Variants in HARS1 observed in about 807,000 individuals in gnomAD.
HARS1 encodes histidine--tRNA ligase, cytoplasmic.
A neutral mutation model predicts 63.6 loss-of-function variants in HARS1; 45 were observed. The observed-to-expected ratio is 0.71, with a 90% confidence interval of 0.56 to 0.91. The LOEUF (loss-of-function observed/expected upper bound fraction) is 0.91, where lower values mean the gene tolerates loss of function less well. Among genes scored for constraint, HARS1 ranks in the 40% least tolerant of loss-of-function variants. HARS1 has a pLI of 0.00. For missense variants in HARS1, 508 were observed against 643.2 expected (o/e 0.79, Z 2.27); for synonymous variants, 205 against 247.1 (o/e 0.83, Z 1.60).
At chr5:140,684,787 A>G (rs1183489559) in intron 2 of HARS1, 1 of 152,256 alleles carries the variant, frequency 6.6e-6, no homozygotes, top group Non-Finnish European at 1.5e-5. Context: ...ATATTTATTC[A>G]TTTAACAAAT....
chr5:140,691,020 C>T, intron 1 of HARS1, 76 bp from the exon 2 acceptor site: 1 of 997,016 alleles, frequency 1.0e-6, no homozygotes, highest in South Asian at 1.3e-5. Flanking sequence ...CAATATTCCT[C>T]CCTCATCACA....
Position 140,676,926 on chromosome 5 carries a change from G to T in HARS1, c.952-30C>A, listed in dbSNP as rs1343476905. ...GGAGATAAGAAAATGGTCAGTGCCA[G>T]ATTAAGATCAGGGACCTGAAGCCCC... On this transcript the variant is annotated intron_variant, in intron 9 of 12. Coordinates refer to ENST00000504156, the MANE Select transcript of HARS1 (RefSeq NM_002109.6). This position sits in a 1 kb window ranked among gnomAD's most constrained non-coding sequence, Gnocchi z 4.1. 3.7e-6 allele frequency: 6 copies of T among 1,613,478 alleles called. No individual in the cohort carries two copies. In the South Asian group the frequency reaches 5.5e-5, roughly 15 times the overall value.
At chr5:140,680,054 T>G (rs948233990) in intron 3 of HARS1, among the ~76,000 whole-genome samples, 171 bp from the exon 4 acceptor site, 4 of 152,234 alleles carry the variant, frequency 2.6e-5, no homozygotes, top group Non-Finnish European at 5.9e-5. Flanking sequence ...AATTTTGTGT[T>G]TTTTTCTATT....
At position 140,676,405 on chromosome 5, in the gene HARS1, C is replaced by A. The variant is rs564253267; in HGVS notation, c.1194+249G>T. On this transcript the variant is annotated intron_variant, in intron 10 of 12. Coordinates refer to ENST00000504156, the MANE Select transcript of HARS1 (RefSeq NM_002109.6). This position sits in a 1 kb window ranked among gnomAD's most constrained non-coding sequence, Gnocchi z 4.1. ...GATCTAAGTCTTGGATACACCAGCCCAGGTTTGTGACAGCCCTGAAGGAAG... is the reference window on the plus strand; with the variant it reads ...GATCTAAGTCTTGGATACACCAGCCAAGGTTTGTGACAGCCCTGAAGGAAG... 2.0e-6 allele frequency: 1 copy of A among 506,104 alleles called. No individual in the cohort carries two copies. The highest frequency in any genetic ancestry group is 3.5e-5 in the Admixed American group (1 of 28,716). 31.4% of individuals were successfully genotyped at this position (506,104 alleles called of 1,614,324 possible).
At chr5:140,681,505 T>C (rs1435156961) in intron 3 of HARS1, among the ~76,000 whole-genome samples, 1 of 152,072 alleles carries the variant, frequency 6.6e-6, no homozygotes, top group Non-Finnish European at 1.5e-5. Context: ...TCGTCTCTAC[T>C]AAAAATAGAA....
At position 140,683,229 on chromosome 5, in the gene HARS1, G is replaced by A. The variant is rs376385713; in HGVS notation, c.181-10C>T. 1 of 1,612,062 alleles carries A rather than the reference G, an allele frequency of 6.2e-7. No homozygotes were observed. Among genetic ancestry groups the A allele is most frequent in the Non-Finnish European group, 8.5e-7 (1 of 1,178,772 alleles). On this transcript the variant is annotated splice_polypyrimidine_tract_variant and intron_variant, in intron 2 of 12. Coordinates refer to ENST00000504156, the MANE Select transcript of HARS1 (RefSeq NM_002109.6). Reference sequence around the variant, plus strand: ...TATAGTCTCTTGTGCCCTTGGAGTTGAAATCAGCCAGAGAACCAGAAATGA... The same window carrying A: ...TATAGTCTCTTGTGCCCTTGGAGTTAAAATCAGCCAGAGAACCAGAAATGA...
rs1002771462 is a variant in HARS1 at position 140,677,078 on chromosome 5, T to C, written c.862A>G (p.Lys288Glu). 2 of 1,614,102 alleles carry C rather than the reference T, an allele frequency of 1.2e-6. No homozygotes were observed. Among genetic ancestry groups the C allele is most frequent in the South Asian group, 1.1e-5 (1 of 91,084 alleles). ...AAGGCCTGCTTGTTTTGGGATAGTT[T>C]AGGATCCTGGAGCAGCTGTTCCACC... ...SLVEQLLQDP[K>E]LSQNKQALEG... The change falls in exon 9 of 13, where the codon AAA (lysine) becomes GAA (glutamate). Residue 288 changes from lysine (K) to glutamate (E), a missense_variant. Coordinates refer to ENST00000504156, the MANE Select transcript of HARS1 (RefSeq NM_002109.6).
chr5:140,688,584 CAAT>C (rs1759190694), intron 2 of HARS1, among the ~76,000 whole-genome samples: 1 of 152,150 alleles, frequency 6.6e-6, no homozygotes, highest in South Asian at 2.1e-4. Context: ...CCAGTTGCCT[CAAT>C]AATATCTTTT....
At chr5:140,678,256 A>C (rs1758510865) in intron 5 of HARS1, 5 of 548,004 alleles carry the variant, frequency 9.1e-6, no homozygotes, top group Admixed American at 3.3e-5. Flanking sequence ...AACTCCTCCT[A>C]CTGGATGGGG....
In HARS1 at chr5:140,679,211, C is replaced by T; in HGVS notation, c.397-84G>A. 1 of 1,401,012 alleles carries T rather than the reference C, an allele frequency of 7.1e-7. No individual in the cohort carries two copies. The highest frequency in any genetic ancestry group is 1.0e-6 in the Non-Finnish European group (1 of 1,000,858). The allele number at this position is 1,401,012 out of a possible 1,614,324, so 86.8% of individuals were successfully genotyped here. The stretch of plus-strand genomic sequence containing the variant: ...ATCACCAACAGAAGCTGGGGTCTAA[C>T]CCCTCCCTATGTGGGTAAAACTGCC... On this transcript the variant is annotated intron_variant, in intron 4 of 12. Transcript: ENST00000504156. The surrounding 1 kb of genome is among the most constrained non-coding windows in gnomAD (Gnocchi z 4.3).
intron 2 of HARS1, chr5:140,683,604 G>C (rs1758845883): frequency 2.2e-6 from 1 of 455,296 alleles, no homozygotes; most frequent in Non-Finnish European, 2.9e-6. Flanking sequence ...GGCCAAGGCA[G>C]ATGGATTGCC....
At position 140,676,871 on chromosome 5, in the gene HARS1, C is replaced by A; in HGVS notation, c.977G>T (p.Arg326Leu). 6.2e-7 allele frequency: 1 copy of A among 1,613,892 alleles called. No individual in the cohort carries two copies. The highest frequency in any genetic ancestry group is 1.1e-5 in the South Asian group (1 of 91,078). ...DKISFDLSLA[R>L]GLDYYTGVIY... ...CACCCCAGTGTAGTAATCCAGCCCT[C>A]GAGCAAGGCTCAGGTCAAAGGAGAT... Residue 326 changes from arginine to leucine, a missense_variant, in exon 10 of 13, where the codon CGA becomes CTA. By Grantham distance (102) the Arg-to-Leu change is moderately radical (BLOSUM62 -2). Around this residue, in one of 2 missense-constraint regions of HARS1, gnomAD observed 403 missense variants for 548.7 expected, o/e 0.73. Transcript: ENST00000504156. This position sits in a 1 kb window ranked among gnomAD's most constrained non-coding sequence, Gnocchi z 4.1.
At chr5:140,690,993 CT>C in intron 1 of HARS1, 49 bp from the exon 2 acceptor site, 1 of 1,118,294 alleles carries the variant, frequency 8.9e-7, no homozygotes, top group Non-Finnish European at 1.4e-6. Flanking sequence ...ACTCTCCTCC[CT>C]CCCCCGCCAT....
In HARS1 at chr5:140,677,687, T is replaced by C. The variant is rs1411041310; in HGVS notation, c.697A>G (p.Thr233Ala). 2 of 1,611,672 alleles carry C rather than the reference T, an allele frequency of 1.2e-6. No homozygotes were observed. The highest frequency in any genetic ancestry group is 1.7e-6 in the Non-Finnish European group (2 of 1,179,030). The change falls in exon 7 of 13, where the codon ACC becomes GCC. Residue 233 changes from threonine (T) to alanine (A), a missense_variant. By Grantham distance (58) the Thr-to-Ala change is moderately conservative. Transcript: ENST00000504156. ...ICGVSDSKFR[T>A]ICSSVDKLDK... ...AGCTTGTCTACTGAGGAGCAGATGGTACGGAACTTGCTGTCAGAAACACCA... is the reference window on the plus strand; with the variant it reads ...AGCTTGTCTACTGAGGAGCAGATGGCACGGAACTTGCTGTCAGAAACACCA...
In HARS1 at chr5:140,679,824, C is replaced by T; in HGVS notation, c.360G>A (p.Gln120=). The stretch of plus-strand genomic sequence containing the variant: ...AGCGAAGGGACAGGAGCTCCCCGCC[C>T]TGGTCCTTCAGGTCATAGATAAGCT... ...DSKLIYDLKD[Q]GGELLSLRYD... is the part of the protein sequence containing the mutation. The change falls in exon 4 of 13, where the codon CAG becomes CAA. Residue 120 remains glutamine (Q), a synonymous_variant. Transcript: ENST00000504156. This position sits in a 1 kb window ranked among gnomAD's most constrained non-coding sequence, Gnocchi z 4.3. The T allele has an allele frequency of 6.2e-7, 1 of 1,610,828 alleles. No individual in the cohort carries two copies. Among genetic ancestry groups the T allele is most frequent in the Non-Finnish European group, 8.5e-7 (1 of 1,177,064 alleles).
At chr5:140,688,103 C>CAAACAAAACAAAACAAAACA (rs59554063) in intron 2 of HARS1, among the ~76,000 whole-genome samples, 1 of 150,576 alleles carries the variant, frequency 6.6e-6, no homozygotes, top group South Asian at 2.1e-4. Context: ...GACTCCGTCT[C>CAAACAAAACAAAACAAAACA]AAACAAAACA....
intron 10 of HARS1, 184 bp from the exon 11 acceptor site, chr5:140,675,317 C>G (rs758640634): frequency 6.9e-6 from 4 of 580,972 alleles, no homozygotes; most frequent in Non-Finnish European, 1.2e-5. Context: ...AACTGACTGA[C>G]TTGTACATAG....
chr5:140,674,327 A>C lies in HARS1; in HGVS notation c.1460T>G (p.Val487Gly). The stretch of plus-strand genomic sequence containing the variant: ...CACAAGGTCTTCTCTTCGGACATCC[A>C]CCTGGCCAGGATGGGAGAAGAAGGT... ...KLRSVTSREE[V>G]DVRREDLVEE... The change falls in exon 13 of 13, where the codon GTG becomes GGG. Residue 487 changes from valine (V) to glycine (G), a missense_variant and splice_region_variant. Physicochemically the swap from Val to Gly is moderately radical, Grantham distance 109. Around this residue, in one of 2 missense-constraint regions of HARS1, gnomAD observed 403 missense variants for 548.7 expected, o/e 0.73. Coordinates refer to ENST00000504156, the MANE Select transcript of HARS1 (RefSeq NM_002109.6). 3 of 1,607,578 alleles carry C rather than the reference A, an allele frequency of 1.9e-6. No homozygotes were observed. The highest frequency in any genetic ancestry group is 2.6e-6 in the Non-Finnish European group (3 of 1,174,172).
intron 2 of HARS1, among the ~76,000 whole-genome samples, chr5:140,685,622 G>A (rs1039149852): frequency 1.3e-5 from 2 of 151,582 alleles, no homozygotes; most frequent in Non-Finnish European, 2.9e-5. Context: ...CTGGGACGCT[G>A]AGGCAGGAGA....
Sources: allele counts gnomAD v4.1 joint callset (sites outside exome capture counted in the v4.1 genomes callset), GRCh38; gene constraint gnomAD v4.1.1; regional missense constraint gnomAD v4.1.1; non-coding constraint Gnocchi (gnomAD v3.1); transcripts MANE v1.5; gene names NCBI Gene and HGNC (gene_info 2026-07-23, HGNC 2026-07-21).